The following OLFM3 variants were observed in gnomAD, a reference collection of about 807,000 sequenced individuals.
OLFM3 encodes olfactomedin 3, also known as noelin-3.
A neutral mutation model predicts 48.6 loss-of-function variants in OLFM3; 20 were observed. The ratio of observed to expected loss-of-function variants is 0.41; its 90% confidence interval spans 0.29 to 0.60. The LOEUF (loss-of-function observed/expected upper bound fraction) is 0.60, where lower values mean the gene tolerates loss of function less well. Ranked by LOEUF, OLFM3 falls within the 20% of genes least tolerant of loss-of-function variation. OLFM3 has a pLI of 0.28. For missense variants in OLFM3, 437 were observed against 544.3 expected (o/e 0.80, Z 1.96); for synonymous variants, 222 against 198.1 (o/e 1.12, Z -1.01).
intron 1 of OLFM3, among the ~76,000 whole-genome samples, chr1:101,909,355 T>C (rs1276131985): frequency 6.6e-6 from 1 of 152,272 alleles, no homozygotes; most frequent in Non-Finnish European, 1.5e-5. Flanking sequence ...TATTTGATTC[T>C]ATAAATAACA....
chr1:101,829,873 T>C (rs997935412), intron 3 of OLFM3, among the ~76,000 whole-genome samples: 16 of 152,090 alleles, frequency 1.1e-4, no homozygotes, highest in East Asian at 1.9e-4. Flanking sequence ...CTCTCTCTGT[T>C]GCCCAGGCTG....
At chr1:101,903,176 T>C (rs1281261862) in intron 1 of OLFM3, among the ~76,000 whole-genome samples, 9 of 152,042 alleles carry the variant, frequency 5.9e-5, no homozygotes, top group Admixed American at 5.9e-4. Context: ...ATGTTTTAAA[T>C]GACTGACACT....
intron 1 of OLFM3, among the ~76,000 whole-genome samples, chr1:101,947,327 G>C (rs938909865): frequency 1.3e-5 from 2 of 152,078 alleles, no homozygotes; most frequent in African/African-American, 2.4e-5. Context: ...TTTGCAGTTG[G>C]TGTTAACTCT....
Position 101,955,214 on chromosome 1 carries a change from G to T in OLFM3, c.69+41534C>A, listed in dbSNP as rs74840110. Among the ~76,000 whole-genome samples, 325 of 152,014 alleles carry T rather than the reference G, an allele frequency of 2.1e-3. 10 individuals carry two copies. The East Asian group carries it at 0.052, about 24-fold the overall frequency. ...TAATTGGATTTAAGGAAGGATTTAG[G>T]TACCCCCTAGGTTTGCTGAACATTA... On this transcript the variant is annotated intron_variant, in intron 1 of 5. Coordinates refer to ENST00000370103, the MANE Select transcript of OLFM3 (RefSeq NM_058170.4).
chr1:101,859,115 G>C (rs1656545016), intron 1 of OLFM3, among the ~76,000 whole-genome samples: 1 of 151,898 alleles, frequency 6.6e-6, no homozygotes, highest in Non-Finnish European at 1.5e-5. Flanking sequence ...AGTGAAAAAT[G>C]CATGATAGGG....
chr1:101,885,864 C>A (rs569954999), intron 1 of OLFM3, among the ~76,000 whole-genome samples: 51 of 152,182 alleles, frequency 3.4e-4, no homozygotes, highest in African/African-American at 1.1e-3. Context: ...CAGTCAACAG[C>A]AGGCTATTAG....
intron 1 of OLFM3, among the ~76,000 whole-genome samples, chr1:101,935,635 A>T (rs188699806): frequency 6.6e-6 from 1 of 152,190 alleles, no homozygotes; most frequent in South Asian, 2.1e-4. Flanking sequence ...CAAGGCCAGC[A>T]TCATCCTGAT....
At chr1:101,963,578 T>G (rs1249492430) in intron 1 of OLFM3, among the ~76,000 whole-genome samples, 1 of 152,132 alleles carries the variant, frequency 6.6e-6, no homozygotes, top group Admixed American at 6.6e-5. Context: ...TCATTTTTGT[T>G]TCTTTCTCTT....
At chr1:101,977,075 A>G (rs796496385) in intron 1 of OLFM3, among the ~76,000 whole-genome samples, 24 of 152,282 alleles carry the variant, frequency 1.6e-4, no homozygotes, top group African/African-American at 5.5e-4. Flanking sequence ...CCCTCTGGAA[A>G]TCTCAGTAGT....
At chr1:101,956,086 G>GTTGGTTTTTTTT (rs1553183027) in intron 1 of OLFM3, among the ~76,000 whole-genome samples, 46 of 105,068 alleles carry the variant, frequency 4.4e-4, no homozygotes, top group African/African-American at 1.3e-3. Flanking sequence ...ACAATAACAG[G>GTTGGTTTTTTTT]TTTTTTTTTT....
At chr1:101,963,841 T>A (rs1219947070) in intron 1 of OLFM3, among the ~76,000 whole-genome samples, 1 of 152,154 alleles carries the variant, frequency 6.6e-6, no homozygotes, top group Non-Finnish European at 1.5e-5. Context: ...GGTTTTGTTT[T>A]TTTTTCTTTT....
At chr1:101,813,867 C>T (rs530772748) in intron 4 of OLFM3, among the ~76,000 whole-genome samples, 89 of 152,176 alleles carry the variant, frequency 5.8e-4, no homozygotes, top group Middle Eastern at 6.8e-3. Flanking sequence ...ATACTTTAAA[C>T]GAAGAGTTAA....
intron 1 of OLFM3, among the ~76,000 whole-genome samples, chr1:101,846,542 T>C (rs939108009): frequency 1.3e-5 from 2 of 150,784 alleles, no homozygotes; most frequent in Admixed American, 1.3e-4. Context: ...AAACAAAACA[T>C]ATATATATAT....
rs7525215 is a variant in OLFM3 at position 101,938,318 on chromosome 1, A to G, written c.69+58430T>C. On this transcript the variant is annotated intron_variant, in intron 1 of 5. Coordinates refer to ENST00000370103, the MANE Select transcript of OLFM3 (RefSeq NM_058170.4). ...CCTAGCACAATCCATGACCTGAAAC[A>G]CCAGTGTAAACTAGAACAGGACTTT... 5.0e-3 allele frequency among the ~76,000 whole-genome samples: 766 copies of G among 152,296 alleles called. 16 individuals carry two copies. The highest frequency in any genetic ancestry group is 0.017 in the African/African-American group (723 of 41,542).
chr1:101,941,665 T>C (rs1659799470), intron 1 of OLFM3, among the ~76,000 whole-genome samples: 1 of 152,164 alleles, frequency 6.6e-6, no homozygotes. Context: ...TTAAAAAGCA[T>C]ATGACATTTC....
intron 2 of OLFM3, among the ~76,000 whole-genome samples, chr1:101,832,826 T>G (rs1328409883): frequency 6.6e-6 from 1 of 152,280 alleles, no homozygotes; most frequent in Non-Finnish European, 1.5e-5. Context: ...AAAAGTTTAA[T>G]ATTCCGAAAG....
chr1:101,923,344 T>A (rs1237242597), intron 1 of OLFM3, among the ~76,000 whole-genome samples: 1 of 152,262 alleles, frequency 6.6e-6, no homozygotes, highest in African/African-American at 2.4e-5. Flanking sequence ...TGTGGCCTTG[T>A]CCTTTTAAAT....
At chr1:101,899,468 A>G (rs1658319676) in intron 1 of OLFM3, among the ~76,000 whole-genome samples, 1 of 152,196 alleles carries the variant, frequency 6.6e-6, no homozygotes, top group Admixed American at 6.5e-5. Flanking sequence ...TGCATATTCT[A>G]TTCATAAAAG....
intron 1 of OLFM3, among the ~76,000 whole-genome samples, chr1:101,846,322 C>A (rs1655990423): frequency 6.6e-6 from 1 of 152,116 alleles, no homozygotes; most frequent in Non-Finnish European, 1.5e-5. Flanking sequence ...GAATTTTGGG[C>A]AGGCCTTAAA....
Sources: allele counts gnomAD v4.1 joint callset (sites outside exome capture counted in the v4.1 genomes callset), GRCh38; gene constraint gnomAD v4.1.1; transcripts MANE v1.5; gene names NCBI Gene and HGNC (gene_info 2026-07-23, HGNC 2026-07-21).